The following PAXIP1 variants were observed in gnomAD, a reference collection of about 807,000 sequenced individuals.
PAXIP1 encodes the protein PAX-interacting protein 1.
Under a neutral mutation model 140.6 loss-of-function variants are expected in PAXIP1, and 19 were observed. The observed-to-expected ratio is 0.14, with a 90% CI of 0.09 to 0.20. The LOEUF (loss-of-function observed/expected upper bound fraction) is 0.20. Ranked by LOEUF, PAXIP1 falls within the 10% of genes least tolerant of loss-of-function variation. The pLI is 1.00. For synonymous variants in PAXIP1, 442 were observed against 444.6 expected (o/e 0.99, Z 0.07); for missense variants, 920 against 1,208.6 (o/e 0.76, Z 3.54).
chr7:154,995,661 C>T (rs765422310), intron 2 of PAXIP1, among the ~76,000 whole-genome samples: 6 of 152,084 alleles, frequency 3.9e-5, no homozygotes, highest in East Asian at 1.9e-4. Context: ...ACCAGCCTGG[C>T]CAACATGGTG....
intron 14 of PAXIP1, 44 bp downstream of exon 14, chr7:154,957,180 C>A: frequency 9.3e-7 from 1 of 1,074,516 alleles, no homozygotes; most frequent in Non-Finnish European, 1.4e-6. Context: ...CCAAAGCAGA[C>A]CTGTGAAAGC....
chr7:154,997,966 A>G (rs1472118921), intron 2 of PAXIP1, among the ~76,000 whole-genome samples: 1 of 152,224 alleles, frequency 6.6e-6, no homozygotes, highest in Non-Finnish European at 1.5e-5. Flanking sequence ...ACACTCTTAC[A>G]ATAATTCAAA....
In PAXIP1 at chr7:154,946,481, C is replaced by A; in HGVS notation, c.3133+31G>T. The A allele has an allele frequency of 6.2e-7, 1 of 1,605,752 alleles. No homozygotes were observed. Among genetic ancestry groups the A allele is most frequent in the Non-Finnish European group, 8.5e-7 (1 of 1,172,328 alleles). ...AGAGATCCACTGCTGTGCGTGCACA[C>A]ATACTCACACAGGTAAGCGGGGAAA... On this transcript the variant is annotated intron_variant, in intron 19 of 20. Transcript: ENST00000404141. This position sits in a 1 kb window ranked among gnomAD's most constrained non-coding sequence, Gnocchi z 4.9.
At chr7:154,971,469 G>A (rs1157630309) in intron 6 of PAXIP1, among the ~76,000 whole-genome samples, 2 of 152,350 alleles carry the variant, frequency 1.3e-5, no homozygotes, top group Non-Finnish European at 2.9e-5. Flanking sequence ...CCTGGATGGA[G>A]AGGAGAAATC....
chr7:154,961,667 A>AT lies in PAXIP1; in HGVS notation c.2128-20dup. 6.4e-7 allele frequency: 1 copy of AT among 1,565,834 alleles called. No individual in the cohort carries two copies. The highest frequency in any genetic ancestry group is 8.7e-7 in the Non-Finnish European group (1 of 1,155,834). ...AAATAATCTAAGAAAAAAAGAGAAA[A>AT]TAAGGTAAACACAAAATAAGCAAAA... On this transcript the variant is annotated intron_variant, in intron 10 of 20. Transcript: ENST00000404141.
At chr7:154,967,948 C>A in intron 7 of PAXIP1, 38 bp from the exon 8 acceptor site, 1 of 1,437,064 alleles carries the variant, frequency 7.0e-7, no homozygotes, top group Non-Finnish European at 9.7e-7. Context: ...AAATTAAAAC[C>A]CTATGAATAT....
In PAXIP1 at chr7:154,959,945, AAC is replaced by A; in HGVS notation, c.2435-14_2435-13del. 4 of 1,580,942 alleles carry A rather than the reference AAC, an allele frequency of 2.5e-6. No homozygotes were observed. Among genetic ancestry groups the A allele is most frequent in the Non-Finnish European group, 3.5e-6 (4 of 1,150,666 alleles). On this transcript the variant is annotated splice_polypyrimidine_tract_variant and intron_variant, in intron 12 of 20. Transcript: ENST00000404141. ...AACTCTCCAAGCATCTAAAGAGAGA[AAC>A]ACATTATTTTTTATGATAGATACGT... is the stretch of plus-strand genomic sequence containing the variant.
chr7:154,967,726 C>T, intron 8 of PAXIP1, 90 bp downstream of exon 8: 1 of 830,338 alleles, frequency 1.2e-6, no homozygotes. Flanking sequence ...AGGTGCAGCT[C>T]AGTGAATGCA....
rs1807963038 is a variant in PAXIP1, at chr7:154,946,149, A to G, written c.3194+216T>C. The G allele has an allele frequency of 9.2e-6, 9 of 977,300 alleles. No homozygotes were observed. Among genetic ancestry groups the G allele is most frequent in the Non-Finnish European group, 1.1e-5 (9 of 822,556 alleles). 60.5% of individuals were successfully genotyped at this position (977,300 alleles called of 1,614,324 possible). Reference sequence around the variant, plus strand: ...GTATAGATCCTTTCTAATTAACATCACCTATTAAAACTGAACTCTCAGTAA... The same window carrying G: ...GTATAGATCCTTTCTAATTAACATCGCCTATTAAAACTGAACTCTCAGTAA... On this transcript the variant is annotated intron_variant, in intron 20 of 20. Coordinates refer to ENST00000404141, the MANE Select transcript of PAXIP1 (RefSeq NM_007349.4). This position sits in a 1 kb window ranked among gnomAD's most constrained non-coding sequence, Gnocchi z 4.9.
At chr7:155,000,387 C>T (rs762755177) in intron 1 of PAXIP1, 3 of 152,234 alleles carry the variant, frequency 2.0e-5, no homozygotes, top group Non-Finnish European at 4.4e-5. Context: ...TTCCTATCCT[C>T]CAGTCTGTTT....
chr7:154,965,363 C>G (rs1808960431), intron 8 of PAXIP1: 2 of 152,308 alleles, frequency 1.3e-5, no homozygotes, highest in South Asian at 4.1e-4. Flanking sequence ...TGCAGGATTT[C>G]TGACCCACGA....
intron 4 of PAXIP1, among the ~76,000 whole-genome samples, chr7:154,987,971 T>C (rs1810152075): frequency 6.6e-6 from 1 of 152,226 alleles, no homozygotes; most frequent in African/African-American, 2.4e-5. Context: ...GTGATTCTAA[T>C]TTTGTTTGAC....
Position 154,968,967 on chromosome 7 carries a change from G to GCTGCTGCTGCTGGGC in PAXIP1, c.1219_1233dup (p.Ala407_Gln411dup). The GCTGCTGCTGCTGGGC allele has an allele frequency of 1.3e-6, 2 of 1,542,706 alleles. No individual in the cohort carries two copies. The highest frequency in any genetic ancestry group is 1.8e-6 in the Non-Finnish European group (2 of 1,140,972). On this transcript the variant is annotated inframe_insertion, in exon 7 of 21. Transcript: ENST00000404141. ...TGAAGGTGTAAAACCGGGTGCTGCT[G>GCTGCTGCTGCTGGGC]CTGCTGCTGCTGGGCCTGCTGCTGC...
At position 154,973,321 on chromosome 7, in the gene PAXIP1, C is replaced by T. The variant is rs1314462249; in HGVS notation, c.1074+2375G>A. Among the ~76,000 whole-genome samples, 2 of 152,160 alleles carry T rather than the reference C, an allele frequency of 1.3e-5. No homozygotes were observed. The highest frequency in any genetic ancestry group is 1.3e-4 in the Admixed American group (2 of 15,280). On this transcript the variant is annotated intron_variant, in intron 6 of 20. Coordinates refer to ENST00000404141, the MANE Select transcript of PAXIP1 (RefSeq NM_007349.4). This position sits in a 1 kb window ranked among gnomAD's most constrained non-coding sequence, Gnocchi z 4.0. ...CTGAAGCAGGCCCAAGAGCTCCTAA[C>T]GGGCAGCTGCTGTTCAGTTACAAGG... is the stretch of plus-strand genomic sequence containing the variant.
intron 5 of PAXIP1, among the ~76,000 whole-genome samples, chr7:154,976,896 C>T (rs1441408262): frequency 6.6e-6 from 1 of 152,202 alleles, no homozygotes; most frequent in African/African-American, 2.4e-5. Context: ...AGTCTCTGAC[C>T]TAACAAGGCT....
chr7:154,979,243 C>T (rs746159637), intron 5 of PAXIP1, among the ~76,000 whole-genome samples: 19 of 152,268 alleles, frequency 1.2e-4, no homozygotes, highest in Middle Eastern at 3.4e-3. Flanking sequence ...AATAACCATA[C>T]CCCGTTTCTG....
In PAXIP1 at chr7:154,946,987, A is replaced by C; in HGVS notation, c.2923-174T>G. The C allele has an allele frequency of 1.9e-6, 1 of 517,258 alleles. No individual in the cohort carries two copies. The highest frequency in any genetic ancestry group is 3.4e-6 in the Non-Finnish European group (1 of 294,596). The allele number at this position is 517,258 out of a possible 1,614,324, so 32.0% of individuals were successfully genotyped here. ...TCTGAAGTGGAAGAGGAATCCAGCTATGTAAATTTGGAATGTAAGCATTTT... is the reference window on the plus strand; with the variant it reads ...TCTGAAGTGGAAGAGGAATCCAGCTCTGTAAATTTGGAATGTAAGCATTTT... On this transcript the variant is annotated intron_variant, in intron 17 of 20. Transcript: ENST00000404141. This position sits in a 1 kb window ranked among gnomAD's most constrained non-coding sequence, Gnocchi z 4.9.
rs1046114207 is a variant in PAXIP1, at chr7:154,973,059, C to T, written c.1074+2637G>A. 1.3e-5 allele frequency among the ~76,000 whole-genome samples: 2 copies of T among 152,200 alleles called. No individual in the cohort carries two copies. Among genetic ancestry groups the T allele is most frequent in the South Asian group, 2.1e-4 (1 of 4,828 alleles). ...CAGGGCCGGCACCCTCAGCATTGGG[C>T]GGTGCTGGAGCTGGCTCCTTCTGTG... On this transcript the variant is annotated intron_variant, in intron 6 of 20. Coordinates refer to ENST00000404141, the MANE Select transcript of PAXIP1 (RefSeq NM_007349.4). The surrounding 1 kb of genome is among the most constrained non-coding windows in gnomAD (Gnocchi z 4.0).
In PAXIP1 at chr7:154,975,869, C is replaced by T; in HGVS notation, c.901G>A (p.Gly301Ser). Residue 301 changes from glycine to serine, a missense_variant, in exon 6 of 21, where the codon GGT becomes AGT. Transcript: ENST00000404141. Reference sequence around the variant, plus strand: ...CGGACCTCAGGGGGCAAAATGTTACCTGGGACGGGTGGGACATTGGCACAC... The same window carrying T: ...CGGACCTCAGGGGGCAAAATGTTACTTGGGACGGGTGGGACATTGGCACAC... ...NLCANVPPVP[G>S]NILPPEVRGN... 1 of 1,613,964 alleles carries T rather than the reference C, an allele frequency of 6.2e-7. No individual in the cohort carries two copies. Among genetic ancestry groups the T allele is most frequent in the East Asian group, 2.2e-5 (1 of 44,880 alleles).
Sources: allele counts gnomAD v4.1 joint callset (sites outside exome capture counted in the v4.1 genomes callset), GRCh38; gene constraint gnomAD v4.1.1; non-coding constraint Gnocchi (gnomAD v3.1); transcripts MANE v1.5; gene names NCBI Gene and HGNC (gene_info 2026-07-23, HGNC 2026-07-21).